The following FUT9 variants were observed in gnomAD, a reference collection of about 807,000 sequenced individuals.
FUT9 encodes fucosyltransferase 9.
In FUT9, 15 loss-of-function variants were observed where a neutral mutation model predicts 29.7. The observed-to-expected ratio is 0.51, with a 90% CI of 0.34 to 0.78. FUT9 has a LOEUF of 0.78. FUT9 is among the 30% of genes least tolerant of loss of function. The probability of loss-of-function intolerance (pLI) is 0.01; values close to 1 mark genes in which losing one functional copy is unlikely to be tolerated. For missense variants in FUT9, 319 were observed against 425.4 expected, an observed-to-expected ratio of 0.75 and a Z score of 2.20; for synonymous variants, 169 against 153.7, an observed-to-expected ratio of 1.10 and a Z score of -0.74.
At chr6:96,196,961 G>T (rs1773638744) in intron 2 of FUT9, among the ~76,000 whole-genome samples, 1 of 152,046 alleles carries the variant, frequency 6.6e-6, no homozygotes, top group Admixed American at 6.6e-5. Context: ...GAGGAAAAGG[G>T]TTCTTGTTTC....
Position 96,174,945 on chromosome 6 carries a change from G to T in FUT9, c.-8-28203G>T, listed in dbSNP as rs564122831. Among the ~76,000 whole-genome samples, 15 of 152,204 alleles carry T rather than the reference G, an allele frequency of 9.9e-5. No homozygotes were observed. In the South Asian group the frequency reaches 3.1e-3, roughly 32 times the overall value. On this transcript the variant is annotated intron_variant, in intron 2 of 2. Transcript: ENST00000302103. ...TTAGAAAAAATCATCAGATTCTAAA[G>T]CATTCATCTATCCCAAAGGGGTGGC...
At chr6:96,151,017 G>T (rs1772665641) in intron 2 of FUT9, among the ~76,000 whole-genome samples, 1 of 152,164 alleles carries the variant, frequency 6.6e-6, no homozygotes, top group South Asian at 2.1e-4. Context: ...GCAAGGAAAA[G>T]TGTGATTCCA....
intron 2 of FUT9, among the ~76,000 whole-genome samples, chr6:96,164,672 T>A (rs1463848179): frequency 2.0e-5 from 3 of 152,148 alleles, no homozygotes; most frequent in Admixed American, 6.5e-5. Context: ...ATGCCCAAAT[T>A]CCAAAGAAAG....
chr6:96,123,133 C>CA (rs754971660), intron 2 of FUT9, among the ~76,000 whole-genome samples: 9 of 134,466 alleles, frequency 6.7e-5, no homozygotes, highest in Middle Eastern at 4.2e-3. Flanking sequence ...GGATTAAATG[C>CA]AAAAAAATGC....
At chr6:96,078,093 A>G (rs939336902) in intron 1 of FUT9, among the ~76,000 whole-genome samples, 6 of 152,310 alleles carry the variant, frequency 3.9e-5, no homozygotes, top group South Asian at 2.1e-4. Context: ...TCCGGGATGC[A>G]TATGAATGAG....
At chr6:96,131,700 C>A (rs1001265651) in intron 2 of FUT9, among the ~76,000 whole-genome samples, 1 of 152,046 alleles carries the variant, frequency 6.6e-6, no homozygotes, top group Non-Finnish European at 1.5e-5. Flanking sequence ...CTCATAAGTA[C>A]CCCAAAGAAA....
At chr6:96,175,823 G>GATAC (rs1773192839) in intron 2 of FUT9, among the ~76,000 whole-genome samples, 1 of 152,172 alleles carries the variant, frequency 6.6e-6, no homozygotes, top group Non-Finnish European at 1.5e-5. Context: ...GAGATTAAGG[G>GATAC]ATACCCAGAT....
At chr6:96,198,164 T>C (rs1773661150) in intron 2 of FUT9, among the ~76,000 whole-genome samples, 2 of 151,930 alleles carry the variant, frequency 1.3e-5, no homozygotes, top group Admixed American at 6.6e-5. Context: ...ATGTGCACAA[T>C]GTGCAGGTTA....
At chr6:96,133,346 G>A (rs1772282817) in intron 2 of FUT9, among the ~76,000 whole-genome samples, 1 of 151,910 alleles carries the variant, frequency 6.6e-6, no homozygotes, top group South Asian at 2.1e-4. Context: ...ATCACTGAAA[G>A]CAGCTAGGAG....
At chr6:96,197,876 A>G (rs763650349) in intron 2 of FUT9, among the ~76,000 whole-genome samples, 4 of 152,128 alleles carry the variant, frequency 2.6e-5, no homozygotes, top group African/African-American at 9.7e-5. Flanking sequence ...ACTTTGTTCT[A>G]TAGCATGCTC....
At chr6:96,110,491 A>G (rs1026540448) in intron 1 of FUT9, among the ~76,000 whole-genome samples, 24 of 152,070 alleles carry the variant, frequency 1.6e-4, no homozygotes, top group African/African-American at 5.1e-4. Context: ...GAAAGCAAAA[A>G]CCCTGAGCAT....
At chr6:96,192,579 G>C (rs1269564407) in intron 2 of FUT9, among the ~76,000 whole-genome samples, 77 of 152,182 alleles carry the variant, frequency 5.1e-4, no homozygotes, top group African/African-American at 1.8e-3. Flanking sequence ...AAGAACATTC[G>C]ATGCTCATGG....
At chr6:96,019,969 G>A (rs1770039973) in intron 1 of FUT9, among the ~76,000 whole-genome samples, 1 of 151,946 alleles carries the variant, frequency 6.6e-6, no homozygotes, top group South Asian at 2.1e-4. Context: ...TGTTAATAAA[G>A]GAGAAGTCAG....
At chr6:96,171,656 A>G (rs1422264583) in intron 2 of FUT9, among the ~76,000 whole-genome samples, 2 of 152,194 alleles carry the variant, frequency 1.3e-5, no homozygotes, top group Non-Finnish European at 2.9e-5. Flanking sequence ...CAGGATAAAA[A>G]CAAAATAGTG....
chr6:96,176,244 C>T (rs1256246898), intron 2 of FUT9, among the ~76,000 whole-genome samples: 1 of 152,110 alleles, frequency 6.6e-6, no homozygotes, highest in Non-Finnish European at 1.5e-5. Context: ...GGATTTCAGC[C>T]CTCCATAATC....
chr6:96,024,138 A>T (rs1215516905), intron 1 of FUT9, among the ~76,000 whole-genome samples: 1 of 151,914 alleles, frequency 6.6e-6, no homozygotes, highest in Non-Finnish European at 1.5e-5. Context: ...CATTAGCTAA[A>T]TCAGACAATC....
At chr6:96,171,437 A>C (rs1773110921) in intron 2 of FUT9, among the ~76,000 whole-genome samples, 1 of 152,192 alleles carries the variant, frequency 6.6e-6, no homozygotes, top group Non-Finnish European at 1.5e-5. Context: ...AATGGAGGCC[A>C]TCACACCACA....
chr6:96,046,640 T>A (rs1770568643), intron 1 of FUT9, among the ~76,000 whole-genome samples: 1 of 152,032 alleles, frequency 6.6e-6, no homozygotes, highest in Admixed American at 6.6e-5. Flanking sequence ...TTCATGCCCC[T>A]TCCCACATGT....
chr6:96,199,345 G>A (rs1282121850), intron 2 of FUT9, among the ~76,000 whole-genome samples: 3 of 152,014 alleles, frequency 2.0e-5, no homozygotes, highest in South Asian at 2.1e-4. Context: ...TGACAGTTCC[G>A]TACAAAGTAG....
Sources: gnomAD v4.1 joint callset for allele counts (sites outside exome capture counted in the v4.1 genomes callset) on GRCh38, gnomAD v4.1.1 for gene constraint, MANE v1.5 for transcripts, NCBI Gene and HGNC (gene_info 2026-07-23, HGNC 2026-07-21) for gene names.